Variants in IGSF11 observed in about 807,000 individuals in gnomAD.
IGSF11 encodes CXADR like 1.
Under a neutral mutation model 41.0 loss-of-function variants are expected in IGSF11, and 22 were observed. The ratio of observed to expected loss-of-function variants is 0.54; its 90% confidence interval spans 0.38 to 0.77. IGSF11 has a LOEUF of 0.77. Ranked by LOEUF, IGSF11 falls within the 30% of genes least tolerant of loss-of-function variation. IGSF11 has a pLI of 0.00. For synonymous variants in IGSF11, 219 were observed against 201.3 expected (o/e 1.09, Z -0.74); for missense variants, 444 against 530.8 (o/e 0.84, Z 1.61).
chr3:119,056,382 T>G lies in IGSF11; in HGVS notation c.49+48762A>C, dbSNP rs1284603173. Among the ~76,000 whole-genome samples the G allele has an allele frequency of 4.4e-4, 67 of 152,160 alleles. 3 individuals carry two copies. Among genetic ancestry groups the G allele is most frequent in the Admixed American group, 4.4e-3 (67 of 15,274 alleles). On this transcript the variant is annotated intron_variant, in intron 1 of 6. Coordinates refer to the IGSF11 transcript ENST00000354673. The stretch of plus-strand genomic sequence containing the variant: ...AACTAGAAAATCTAGAAGAAATGGA[T>G]AAATTCCTCGACACATACACCCTCC...
At chr3:118,968,858 G>A (rs561363547) in intron 1 of IGSF11, among the ~76,000 whole-genome samples, 1 of 152,148 alleles carries the variant, frequency 6.6e-6, no homozygotes. Context: ...TGTCAGAGAC[G>A]GGAACAGTGC....
chr3:119,016,802 T>C (rs1375955772), intron 1 of IGSF11, among the ~76,000 whole-genome samples: 1 of 152,168 alleles, frequency 6.6e-6, no homozygotes, highest in Non-Finnish European at 1.5e-5. Flanking sequence ...ACCTCTGTGC[T>C]AGTCTAAATC....
chr3:119,050,579 T>C (rs9826293), intron 1 of IGSF11, among the ~76,000 whole-genome samples: 2,477 of 151,854 alleles, frequency 0.016, 76 homozygotes, highest in African/African-American at 0.056. Context: ...ATTGTGGAAG[T>C]CAGTGTGGCG....
At chr3:119,063,244 C>T (rs1478254434) in intron 1 of IGSF11, among the ~76,000 whole-genome samples, 2 of 152,070 alleles carry the variant, frequency 1.3e-5, no homozygotes, top group Admixed American at 6.6e-5. Flanking sequence ...GGGCCTGTAA[C>T]AGAACAATTT....
upstream of IGSF11, among the ~76,000 whole-genome samples, chr3:119,106,732 C>G (rs1217130468): frequency 2.0e-5 from 3 of 151,862 alleles, no homozygotes; most frequent in African/African-American, 7.3e-5. Flanking sequence ...TGCTATCCCT[C>G]CCCCCTCCTC....
intron 1 of IGSF11, among the ~76,000 whole-genome samples, chr3:119,092,288 A>T (rs1048191397): frequency 6.6e-6 from 1 of 152,100 alleles, no homozygotes; most frequent in Non-Finnish European, 1.5e-5. Context: ...ATAAAGAAAA[A>T]ATTTTTAATA....
intron 1 of IGSF11, among the ~76,000 whole-genome samples, chr3:119,077,829 AG>A (rs1019908040): frequency 6.6e-6 from 1 of 152,216 alleles, no homozygotes; most frequent in African/African-American, 2.4e-5. Context: ...ACTTTAGCAA[AG>A]TTTGAGGATA....
At position 118,904,550 on chromosome 3, in the gene IGSF11, C is replaced by A. The variant is rs1939340109; in HGVS notation, c.854+98G>T. 2.9e-5 allele frequency: 25 copies of A among 870,436 alleles called. No individual in the cohort carries two copies. The South Asian group carries it at 4.3e-4, about 15-fold the overall frequency. 53.9% of individuals were successfully genotyped at this position (870,436 alleles called of 1,614,324 possible). A position where few individuals can be genotyped will look rare whatever the true frequency, so the allele number is the denominator to read the frequency against. On this transcript the variant is annotated intron_variant, in intron 6 of 6. Coordinates refer to ENST00000393775, the MANE Select transcript of IGSF11 (RefSeq NM_001015887.3). The stretch of plus-strand genomic sequence containing the variant: ...TAGCCACTTTAATAGTCTCGGCCAT[C>A]AGAGTTTTATGATTAGTAGATATAT...
At chr3:118,914,035 A>G (rs192730772) in intron 4 of IGSF11, among the ~76,000 whole-genome samples, 2 of 152,190 alleles carry the variant, frequency 1.3e-5, no homozygotes, top group Admixed American at 6.5e-5. Context: ...CTATGGTCCT[A>G]TTATTTGGAT....
intron 1 of IGSF11, among the ~76,000 whole-genome samples, chr3:119,029,845 T>C (rs1454471684): frequency 1.3e-5 from 2 of 152,224 alleles, no homozygotes; most frequent in Non-Finnish European, 2.9e-5. Context: ...CCCAATATAT[T>C]AGAGTTACAT....
At chr3:119,099,428 T>C (rs1462331011) in intron 1 of IGSF11, among the ~76,000 whole-genome samples, 1 of 152,166 alleles carries the variant, frequency 6.6e-6, no homozygotes, top group Non-Finnish European at 1.5e-5. Context: ...CTATTGGTGG[T>C]ACAAATTCAG....
At chr3:119,114,715 G>C (rs571691793) in intron 1 of IGSF11, among the ~76,000 whole-genome samples, 1 of 152,258 alleles carries the variant, frequency 6.6e-6, no homozygotes, top group East Asian at 1.9e-4. Flanking sequence ...ACTTTTGCCT[G>C]TTACCCAGTT....
chr3:119,141,779 C>A (rs942116632), intron 1 of IGSF11, among the ~76,000 whole-genome samples: 2 of 151,598 alleles, frequency 1.3e-5, no homozygotes, highest in African/African-American at 4.9e-5. Context: ...GAATAAATAG[C>A]CAAGATATGG....
At position 118,911,723 on chromosome 3, in the gene IGSF11, G is replaced by C. The variant is rs528925350; in HGVS notation, c.581-6005C>G. Among the ~76,000 whole-genome samples, 16 of 149,572 alleles carry C rather than the reference G, an allele frequency of 1.1e-4. 1 individual carries two copies. Among genetic ancestry groups the C allele is most frequent in the East Asian group, 9.7e-4 (5 of 5,142 alleles). On this transcript the variant is annotated intron_variant, in intron 4 of 6. Coordinates refer to ENST00000393775, the MANE Select transcript of IGSF11 (RefSeq NM_001015887.3). The stretch of plus-strand genomic sequence containing the variant: ...AGTGAGAGAGAGGAGAGGAGACACA[G>C]AGAGAGAGAGAGAGAAAGAGAGAGA...
intron 1 of IGSF11, among the ~76,000 whole-genome samples, chr3:118,939,445 A>G (rs1030782117): frequency 3.3e-5 from 5 of 152,028 alleles, no homozygotes; most frequent in Admixed American, 6.6e-5. Context: ...GTATGGTGGC[A>G]TATGCCTGTA....
chr3:119,144,147 C>A (rs1240888165), intron 1 of IGSF11, among the ~76,000 whole-genome samples: 1 of 152,084 alleles, frequency 6.6e-6, no homozygotes, highest in Non-Finnish European at 1.5e-5. Context: ...ACCTCCTGGT[C>A]TCAAGCAATC....
chr3:119,006,274 C>T (rs1414162619), intron 1 of IGSF11, among the ~76,000 whole-genome samples: 2 of 115,980 alleles, frequency 1.7e-5, no homozygotes, highest in Non-Finnish European at 3.3e-5. Flanking sequence ...GAGGCTTCTG[C>T]ATTCTTCACG....
intron 1 of IGSF11, among the ~76,000 whole-genome samples, chr3:119,047,440 G>A (rs1364300865): frequency 6.6e-6 from 1 of 152,122 alleles, no homozygotes; most frequent in Non-Finnish European, 1.5e-5. Context: ...TCAAAAAGAA[G>A]AGCTAACTAT....
chr3:118,969,763 C>T (rs555669775), intron 1 of IGSF11, among the ~76,000 whole-genome samples: 1 of 152,058 alleles, frequency 6.6e-6, no homozygotes, highest in Non-Finnish European at 1.5e-5. Context: ...TCCTCATGGG[C>T]GCATCTAAAT....
Sources: allele counts gnomAD v4.1 joint callset (sites outside exome capture counted in the v4.1 genomes callset), GRCh38; gene constraint gnomAD v4.1.1; transcripts MANE v1.5; gene names NCBI Gene and HGNC (gene_info 2026-07-23, HGNC 2026-07-21).